PRELID2: variants seen among roughly 807,000 people sequenced by gnomAD.
PRELID2 encodes the protein PRELI domain containing 2.
A neutral mutation model predicts 28.4 loss-of-function variants in PRELID2; 25 were observed. The observed-to-expected ratio is 0.88, with a 90% confidence interval of 0.64 to 1.23. PRELID2 has a LOEUF of 1.23. PRELID2 is among the 50% of genes most tolerant of loss of function. PRELID2 has a pLI of 0.00. For missense variants in PRELID2, 201 were observed against 214.4 expected, an observed-to-expected ratio of 0.94 and a Z score of 0.39; for synonymous variants, 76 against 71.6, an observed-to-expected ratio of 1.06 and a Z score of -0.31.
intron 1 of PRELID2, among the ~76,000 whole-genome samples, chr5:145,596,276 T>G (rs751390213): frequency 7.9e-5 from 12 of 152,192 alleles, no homozygotes; most frequent in African/African-American, 2.9e-4. Flanking sequence ...TCCTCTCCAA[T>G]TAAGTTTATC....
At chr5:145,532,896 C>G (rs1422871384) in intron 1 of PRELID2, among the ~76,000 whole-genome samples, 1 of 152,036 alleles carries the variant, frequency 6.6e-6, no homozygotes, top group Non-Finnish European at 1.5e-5. Context: ...CATATCTTGG[C>G]TACTTTGAAT....
chr5:145,705,742 T>C (rs1755529222), intron 1 of PRELID2, among the ~76,000 whole-genome samples: 1 of 152,174 alleles, frequency 6.6e-6, no homozygotes, highest in Non-Finnish European at 1.5e-5. Flanking sequence ...CTATAGATAA[T>C]ATGCGAAAAC....
chr5:145,372,848 T>G, the PRELID2 span, among the ~76,000 whole-genome samples: 10 of 140,062 alleles, frequency 7.1e-5, no homozygotes, highest in Admixed American at 7.1e-4. Flanking sequence ...TACATAAGGT[T>G]ATATATTATT....
At chr5:145,462,150 C>G in the PRELID2 span, among the ~76,000 whole-genome samples, 2 of 152,058 alleles carry the variant, frequency 1.3e-5, no homozygotes, top group Admixed American at 1.3e-4. Flanking sequence ...GCTGATAGTA[C>G]GTAAGCATGA....
At chr5:145,680,386 C>A (rs1257783926) in intron 1 of PRELID2, among the ~76,000 whole-genome samples, 1 of 152,262 alleles carries the variant, frequency 6.6e-6, no homozygotes, top group Admixed American at 6.5e-5. Context: ...ATAATAAGGG[C>A]CTTTCTCTAC....
At chr5:145,829,938 T>G (rs1053131204) in intron 1 of PRELID2, among the ~76,000 whole-genome samples, 1 of 152,238 alleles carries the variant, frequency 6.6e-6, no homozygotes, top group African/African-American at 2.4e-5. Context: ...CAAACCATTT[T>G]GTTCAGCACA....
chr5:145,794,941 C>T (rs984975169), intron 5 of PRELID2: 19 of 151,946 alleles, frequency 1.3e-4, no homozygotes, highest in Admixed American at 3.3e-4. Context: ...ATATGGCCTG[C>T]AAGAATGGTT....
chr5:145,828,682 AAAATAT>A (rs2149886153), intron 1 of PRELID2, among the ~76,000 whole-genome samples: 1 of 152,260 alleles, frequency 6.6e-6, no homozygotes, highest in South Asian at 2.1e-4. Context: ...ATTTATAATT[AAAATAT>A]AAATCTTGCC....
At chr5:145,681,432 A>G (rs1170281900) in intron 1 of PRELID2, among the ~76,000 whole-genome samples, 1 of 152,194 alleles carries the variant, frequency 6.6e-6, no homozygotes, top group Non-Finnish European at 1.5e-5. Flanking sequence ...TTCTAGACTT[A>G]CACAGTGCCT....
chr5:145,345,116 C>A, the PRELID2 span, among the ~76,000 whole-genome samples: 2 of 152,086 alleles, frequency 1.3e-5, no homozygotes, highest in African/African-American at 4.8e-5. Flanking sequence ...TTTACTCCAG[C>A]ACTTTTCTGT....
intron 1 of PRELID2, among the ~76,000 whole-genome samples, chr5:145,499,390 T>A (rs1291648636): frequency 6.6e-6 from 1 of 152,204 alleles, no homozygotes; most frequent in Admixed American, 6.5e-5. Flanking sequence ...TTCCTCTCTA[T>A]CTTTTTCTGA....
At chr5:145,514,318 C>CAAAAAAAAAAAAAAAAAAAAAAAAAA (rs55760860) in intron 1 of PRELID2, among the ~76,000 whole-genome samples, 3 of 67,488 alleles carry the variant, frequency 4.4e-5, no homozygotes, top group African/African-American at 1.1e-4. Flanking sequence ...AAATGGAAAG[C>CAAAAAAAAAAAAAAAAAAAAAAAAAA]AAAAAAAAAA....
intron 1 of PRELID2, among the ~76,000 whole-genome samples, chr5:145,548,451 A>G: frequency 6.6e-6 from 1 of 152,192 alleles, no homozygotes; most frequent in South Asian, 2.1e-4. Flanking sequence ...TATTGCTATA[A>G]GTTTAAACCT....
intron 1 of PRELID2, among the ~76,000 whole-genome samples, chr5:145,697,353 C>T (rs892545217): frequency 9.9e-5 from 15 of 151,902 alleles, no homozygotes; most frequent in Non-Finnish European, 1.2e-4. Context: ...GCAAACTCAA[C>T]GAGGCTAAGA....
At chr5:145,823,755 T>G (rs147459099) in intron 1 of PRELID2, among the ~76,000 whole-genome samples, 8 of 152,326 alleles carry the variant, frequency 5.3e-5, no homozygotes, top group African/African-American at 1.9e-4. Flanking sequence ...AAATACTCAA[T>G]AAATATTTAA....
At position 145,560,163 on chromosome 5, in the gene PRELID2, C is replaced by T. The variant is rs994058180; in HGVS notation, n.71-86848G>A. 8.9e-4 allele frequency among the ~76,000 whole-genome samples: 136 copies of T among 152,168 alleles called. 1 individual carries two copies. Among genetic ancestry groups the T allele is most frequent in the African/African-American group, 3.2e-3 (134 of 41,434 alleles). On this transcript the variant is annotated intron_variant and non_coding_transcript_variant, in intron 1 of 2. Transcript: ENST00000510259. Reference sequence around the variant, plus strand: ...AAAACAGAATGATTATATGGGTACTCGAAGTACAGCTTCTACTGAACGTGT... The same window carrying T: ...AAAACAGAATGATTATATGGGTACTTGAAGTACAGCTTCTACTGAACGTGT...
intron 1 of PRELID2, among the ~76,000 whole-genome samples, chr5:145,603,161 T>C (rs1052642168): frequency 6.7e-6 from 1 of 148,444 alleles, no homozygotes; most frequent in Non-Finnish European, 1.5e-5. Context: ...AAAGAACAGA[T>C]ACTACTATTG....
chr5:145,429,170 G>A, the PRELID2 span, among the ~76,000 whole-genome samples: 1 of 152,134 alleles, frequency 6.6e-6, no homozygotes, highest in Non-Finnish European at 1.5e-5. Flanking sequence ...GATAGAGATG[G>A]GATAGAAACC....
At chr5:145,468,280 T>TAAG (rs1419670344), downstream of PRELID2, among the ~76,000 whole-genome samples, 2 of 152,278 alleles carry the variant, frequency 1.3e-5, no homozygotes, top group East Asian at 3.9e-4. Flanking sequence ...TATTCCATGG[T>TAAG]ATATATGTGC....
Sources: allele counts gnomAD v4.1 joint callset (sites outside exome capture counted in the v4.1 genomes callset), GRCh38; gene constraint gnomAD v4.1.1; transcripts MANE v1.5; gene names NCBI Gene and HGNC (gene_info 2026-07-23, HGNC 2026-07-21).